NEBL: variants seen among roughly 807,000 people sequenced by gnomAD.
NEBL encodes LIM and SH3 protein 2.
Under a neutral mutation model 140.2 loss-of-function variants are expected in NEBL, and 122 were observed. The observed-to-expected ratio is 0.87, with a 90% CI of 0.75 to 1.01. NEBL has a LOEUF of 1.01. NEBL is among the 50% of genes least tolerant of loss of function. NEBL has a pLI of 0.00. For missense variants in NEBL, 1,365 were observed against 1,231.3 expected (o/e 1.11, Z -1.62); for synonymous variants, 436 against 398.9 (o/e 1.09, Z -1.11).
intron 7 of NEBL, chr10:20,868,316 GT>G (rs1844532338): frequency 5.8e-6 from 1 of 173,620 alleles, no homozygotes; most frequent in Non-Finnish European, 1.2e-5. Flanking sequence ...AAAACTGTGT[GT>G]GTGTGTGTGT....
chr10:20,843,781 G>T (rs1841608687), intron 12 of NEBL, among the ~76,000 whole-genome samples: 1 of 152,000 alleles, frequency 6.6e-6, no homozygotes, highest in African/African-American at 2.4e-5. Context: ...TCCCATCAGG[G>T]TAATTAGCAT....
intron 3 of NEBL, among the ~76,000 whole-genome samples, chr10:21,192,172 C>T (rs897546185): frequency 6.6e-6 from 1 of 151,968 alleles, no homozygotes; most frequent in African/African-American, 2.4e-5. Context: ...CTCATTCCCT[C>T]TCCTAATTTG....
chr10:21,184,235 G>A (rs1329672219), intron 3 of NEBL, among the ~76,000 whole-genome samples: 2 of 152,318 alleles, frequency 1.3e-5, no homozygotes, highest in Admixed American at 6.5e-5. Flanking sequence ...ATGGGTGCAA[G>A]CTTGTCCAAA....
chr10:20,929,110 G>C (rs1447948074), intron 4 of NEBL, among the ~76,000 whole-genome samples: 1 of 151,944 alleles, frequency 6.6e-6, no homozygotes, highest in Non-Finnish European at 1.5e-5. Flanking sequence ...TCCCGCTACT[G>C]GGTATCTACC....
At chr10:20,958,292 A>G (rs753358222) in intron 4 of NEBL, among the ~76,000 whole-genome samples, 1 of 152,166 alleles carries the variant, frequency 6.6e-6, no homozygotes. Flanking sequence ...TATTTCTGCC[A>G]TTTCTGAATT....
intron 21 of NEBL, among the ~76,000 whole-genome samples, chr10:20,817,278 G>A (rs1400115630): frequency 6.6e-6 from 1 of 152,082 alleles, no homozygotes; most frequent in East Asian, 1.9e-4. Context: ...GAGCTGGGAG[G>A]ATCACTTGAA....
In NEBL at chr10:20,934,208, G is replaced by A. The variant is rs568192674; in HGVS notation, c.357+27464C>T. Among the ~76,000 whole-genome samples the A allele has an allele frequency of 2.0e-5, 3 of 152,238 alleles. No homozygotes were observed. In the South Asian group the frequency reaches 6.2e-4, roughly 32 times the overall value. The stretch of plus-strand genomic sequence containing the variant: ...AAAAGGCAAAGAAGATGGGTTCTGA[G>A]CCCCAAGTATTCCTTCTATTACAGA... On this transcript the variant is annotated intron_variant, in intron 4 of 6. Transcript: ENST00000417816.
chr10:20,941,812 A>C (rs1312846308), intron 4 of NEBL, among the ~76,000 whole-genome samples: 1 of 152,130 alleles, frequency 6.6e-6, no homozygotes, highest in African/African-American at 2.4e-5. Context: ...ACAGAGAGCC[A>C]AATCATGAGT....
Position 21,146,481 on chromosome 10 carries a change from A to T in NEBL, c.164+25902T>A, listed in dbSNP as rs760038422. ...ATTTCAGGTGCCATGCTTTCCATAG[A>T]GTAGATTCTTCTTTCACTTTTAGCC... On this transcript the variant is annotated intron_variant, in intron 2 of 6. Transcript: ENST00000417816. 3 of 1,613,498 alleles carry T rather than the reference A, an allele frequency of 1.9e-6. No individual in the cohort carries two copies. In the East Asian group the frequency reaches 6.7e-5, roughly 36 times the overall value.
chr10:21,288,820 G>GTATATATATATATATATATATATATATA (rs71392181), intron 1 of NEBL, among the ~76,000 whole-genome samples: 1 of 35,016 alleles, frequency 2.9e-5, no homozygotes, highest in Non-Finnish European at 5.1e-5. Context: ...GTGTGTGTGT[G>GTATATATATATATATATATATATATATA]TATATATATA....
chr10:20,914,795 C>G (rs1848467952), intron 4 of NEBL, among the ~76,000 whole-genome samples: 2 of 151,914 alleles, frequency 1.3e-5, no homozygotes, highest in East Asian at 1.9e-4. Flanking sequence ...ATTTTAATAC[C>G]AAATTTACTA....
Position 21,040,017 on chromosome 10 carries a change from C to A in NEBL, c.165-19816G>T, listed in dbSNP as rs190183516. On this transcript the variant is annotated intron_variant, in intron 2 of 6. Coordinates refer to the NEBL transcript ENST00000417816. ...CAGCCAGAGAATATTTTTGAAATAC[C>A]AACTGTTAGTCTGTTTGTGTTGATA... 9.9e-5 allele frequency among the ~76,000 whole-genome samples: 15 copies of A among 152,184 alleles called. 1 individual carries two copies. Among genetic ancestry groups the A allele is most frequent in the African/African-American group, 3.4e-4 (14 of 41,536 alleles).
At chr10:20,819,729 GTTGTT>G (rs1839097357) in intron 19 of NEBL, among the ~76,000 whole-genome samples, 1 of 152,092 alleles carries the variant, frequency 6.6e-6, no homozygotes, top group South Asian at 2.1e-4. Flanking sequence ...TGTTGTTGTT[GTTGTT>G]TTATTTTTGA....
intron 1 of NEBL, among the ~76,000 whole-genome samples, chr10:21,288,888 G>T (rs1318351700): frequency 3.7e-5 from 4 of 108,090 alleles, no homozygotes; most frequent in Admixed American, 2.3e-4. Flanking sequence ...TTGCTCTGTT[G>T]CCCAGGCTGG....
chr10:20,899,520 A>G, upstream of NEBL: 1 of 827,662 alleles, frequency 1.2e-6, no homozygotes, highest in Non-Finnish European at 1.7e-6. Context: ...ACCACGTGCA[A>G]TGTGAACACA....
At chr10:21,088,409 A>C (rs1464600306) in intron 2 of NEBL, among the ~76,000 whole-genome samples, 2 of 152,270 alleles carry the variant, frequency 1.3e-5, no homozygotes, top group Non-Finnish European at 1.5e-5. Context: ...GCTTGAGCCC[A>C]GGAGTTCAAG....
At chr10:21,145,286 C>T (rs1839840941) in intron 2 of NEBL, among the ~76,000 whole-genome samples, 1 of 152,170 alleles carries the variant, frequency 6.6e-6, no homozygotes, top group African/African-American at 2.4e-5. Context: ...CAGTACTCCC[C>T]TACAGAAATA....
At chr10:21,203,644 C>T (rs1377288884) in intron 3 of NEBL, among the ~76,000 whole-genome samples, 1 of 152,164 alleles carries the variant, frequency 6.6e-6, no homozygotes, top group African/African-American at 2.4e-5. Context: ...ATGGCTTTTG[C>T]AACAGGTCTG....
chr10:20,794,242 C>G (rs527512728), intron 26 of NEBL, among the ~76,000 whole-genome samples: 1 of 152,316 alleles, frequency 6.6e-6, no homozygotes, highest in South Asian at 2.1e-4. Flanking sequence ...AGTGTACAGC[C>G]TAAAATATCT....
Sources: gnomAD v4.1 joint callset for allele counts (sites outside exome capture counted in the v4.1 genomes callset) on GRCh38, gnomAD v4.1.1 for gene constraint, MANE v1.5 for transcripts, NCBI Gene and HGNC (gene_info 2026-07-23, HGNC 2026-07-21) for gene names.